ST18: variants seen among roughly 807,000 people sequenced by gnomAD.
ST18 encodes the protein suppression of tumorigenicity 18 protein.
Under a neutral mutation model 110.0 loss-of-function variants are expected in ST18, and 50 were observed. The observed-to-expected ratio is 0.45, with a 90% CI of 0.36 to 0.58. The LOEUF (loss-of-function observed/expected upper bound fraction) is 0.58, where lower values mean the gene tolerates loss of function less well. Among genes scored for constraint, ST18 ranks in the 20% least tolerant of loss-of-function variants. The pLI is 0.00. For synonymous variants in ST18, 461 were observed against 452.4 expected (o/e 1.02, Z -0.24); for missense variants, 1,306 against 1,280.1 (o/e 1.02, Z -0.31).
At chr8:52,234,551 G>T (rs2092289469) in intron 2 of ST18, among the ~76,000 whole-genome samples, 1 of 151,996 alleles carries the variant, frequency 6.6e-6, no homozygotes, top group South Asian at 2.1e-4. Context: ...ACCACGCCCT[G>T]CCAGAACTAC....
At chr8:52,252,824 A>G (rs1047887266) in intron 2 of ST18, among the ~76,000 whole-genome samples, 1 of 152,104 alleles carries the variant, frequency 6.6e-6, no homozygotes, top group African/African-American at 2.4e-5. Flanking sequence ...AGAAGGAGAA[A>G]AGAGAACACT....
intron 8 of ST18, among the ~76,000 whole-genome samples, chr8:52,192,735 A>G (rs1588132430): frequency 1.3e-5 from 2 of 152,228 alleles, no homozygotes; most frequent in Non-Finnish European, 2.9e-5. Context: ...GACTACTTAA[A>G]GGATTTGTAC....
At chr8:52,402,627 C>T (rs1843137544) in intron 2 of ST18, among the ~76,000 whole-genome samples, 1 of 152,138 alleles carries the variant, frequency 6.6e-6, no homozygotes, top group African/African-American at 2.4e-5. Context: ...GGGGGTACTG[C>T]ATAGTGATGA....
intron 9 of ST18, among the ~76,000 whole-genome samples, chr8:52,179,834 C>T (rs2068625830): frequency 6.6e-6 from 1 of 152,040 alleles, no homozygotes; most frequent in Admixed American, 6.6e-5. Flanking sequence ...AACTCTAAGA[C>T]TTAGTATCTT....
At chr8:52,198,708 T>C (rs781214620) in intron 8 of ST18, among the ~76,000 whole-genome samples, 9 of 152,234 alleles carry the variant, frequency 5.9e-5, no homozygotes, top group Admixed American at 2.0e-4. Context: ...TATATATATG[T>C]ACACACACAA....
intron 17 of ST18, among the ~76,000 whole-genome samples, chr8:52,142,274 AGAGGTTTT>A (rs1300175096): frequency 6.6e-6 from 1 of 152,174 alleles, no homozygotes; most frequent in Non-Finnish European, 1.5e-5. Flanking sequence ...CTGGGTCAGG[AGAGGTTTT>A]TACAGTTTTT....
At chr8:52,264,209 G>A (rs536207608) in intron 2 of ST18, among the ~76,000 whole-genome samples, 1 of 152,266 alleles carries the variant, frequency 6.6e-6, no homozygotes, top group South Asian at 2.1e-4. Flanking sequence ...GTGTTTTAGG[G>A]TATGGTGTCC....
At chr8:52,228,505 G>A (rs1371245844) in intron 3 of ST18, among the ~76,000 whole-genome samples, 2 of 152,080 alleles carry the variant, frequency 1.3e-5, no homozygotes, top group Non-Finnish European at 2.9e-5. Flanking sequence ...AGAGAAAATG[G>A]CACTCACCAT....
In ST18 at chr8:52,161,582, T is replaced by A; in HGVS notation, c.1401-14A>T. On this transcript the variant is annotated splice_polypyrimidine_tract_variant and intron_variant, in intron 13 of 25. Coordinates refer to ENST00000689386, the MANE Select transcript of ST18 (RefSeq NM_001352837.2). Reference sequence around the variant, plus strand: ...ACCAAACTTGTCCTGGAGAGGGGGGTGAAGCAGTTCAAAAGAAATACAATG... The same window carrying A: ...ACCAAACTTGTCCTGGAGAGGGGGGAGAAGCAGTTCAAAAGAAATACAATG... 2 of 1,612,440 alleles carry A rather than the reference T, an allele frequency of 1.2e-6. No individual in the cohort carries two copies. The highest frequency in any genetic ancestry group is 1.7e-6 in the Non-Finnish European group (2 of 1,179,334).
chr8:52,176,171 A>G (rs2066863418), intron 9 of ST18, among the ~76,000 whole-genome samples: 1 of 151,864 alleles, frequency 6.6e-6, no homozygotes, highest in Non-Finnish European at 1.5e-5. Context: ...ACAAGCAAAC[A>G]CCACCGCATC....
At chr8:52,171,728 C>A in intron 10 of ST18, 64 bp downstream of exon 10, 1 of 1,551,402 alleles carries the variant, frequency 6.4e-7, no homozygotes, top group East Asian at 2.2e-5. Flanking sequence ...ATAATCAAAT[C>A]TGACTTTTTT....
intron 2 of ST18, among the ~76,000 whole-genome samples, chr8:52,250,508 A>G (rs907561261): frequency 1.5e-4 from 23 of 151,160 alleles, no homozygotes; most frequent in African/African-American, 5.6e-4. Flanking sequence ...TGTATAAACA[A>G]TGCCACAGTA....
At chr8:52,317,749 A>G (rs749520246) in intron 2 of ST18, among the ~76,000 whole-genome samples, 9 of 152,120 alleles carry the variant, frequency 5.9e-5, no homozygotes, top group Non-Finnish European at 1.2e-4. Context: ...CTCCTTTTGC[A>G]TTCTAATTTC....
chr8:52,199,100 C>T (rs1036802629), intron 8 of ST18: 2 of 145,432 alleles, frequency 1.4e-5, no homozygotes, highest in African/African-American at 2.7e-5. Context: ...TTTAAGCTTC[C>T]ATTACATAAC....
chr8:52,220,171 G>A (rs1396581815), intron 5 of ST18, among the ~76,000 whole-genome samples: 1 of 152,100 alleles, frequency 6.6e-6, no homozygotes, highest in African/African-American at 2.4e-5. Flanking sequence ...CACTAAAAGG[G>A]CCTTTACAAT....
chr8:52,404,297 G>T (rs917261784), intron 2 of ST18: 1 of 152,126 alleles, frequency 6.6e-6, no homozygotes, highest in African/African-American at 2.4e-5. Flanking sequence ...AGAATTAAAC[G>T]AGACAGCACA....
intron 2 of ST18, among the ~76,000 whole-genome samples, chr8:52,350,083 TG>T (rs1819600397): frequency 6.6e-6 from 1 of 151,870 alleles, no homozygotes; most frequent in Non-Finnish European, 1.5e-5. Context: ...GGGAGCAGGG[TG>T]GGAAGTGTGG....
At chr8:52,195,614 C>T (rs2075957557) in intron 8 of ST18, among the ~76,000 whole-genome samples, 1 of 152,010 alleles carries the variant, frequency 6.6e-6, no homozygotes, top group African/African-American at 2.4e-5. Context: ...AAGATTATTG[C>T]AACATCTTAA....
chr8:52,392,801 A>G (rs1297440874), intron 2 of ST18, among the ~76,000 whole-genome samples: 4 of 152,144 alleles, frequency 2.6e-5, no homozygotes, highest in African/African-American at 7.2e-5. Context: ...CTCATGACCA[A>G]TCTGACTGGT....
Sources: allele counts gnomAD v4.1 joint callset (sites outside exome capture counted in the v4.1 genomes callset), GRCh38; gene constraint gnomAD v4.1.1; transcripts MANE v1.5; gene names NCBI Gene and HGNC (gene_info 2026-07-23, HGNC 2026-07-21).